The following PIF1 variants were observed in gnomAD, a reference collection of about 807,000 sequenced individuals.
The protein encoded by PIF1 is PIF1 5'-to-3' DNA helicase, also known as ATP-dependent DNA helicase PIF1.
Under a neutral mutation model 62.3 loss-of-function variants are expected in PIF1, and 67 were observed. That is an observed-to-expected ratio of 1.08 (90% CI 0.88 to 1.32). PIF1 has a LOEUF of 1.32. PIF1 is among the 40% of genes most tolerant of loss of function. The pLI is 0.00. For synonymous variants in PIF1, 364 were observed against 379.5 expected (o/e 0.96, Z 0.47); for missense variants, 886 against 866.1 (o/e 1.02, Z -0.29).
At position 64,823,815 on chromosome 15, in the gene PIF1, C is replaced by T. The variant is rs1232699975; in HGVS notation, c.521G>A (p.Arg174Gln). The T allele has an allele frequency of 5.9e-6, 8 of 1,354,506 alleles. No individual in the cohort carries two copies. In the South Asian group the frequency reaches 1.3e-4, roughly 22 times the overall value. 83.9% of individuals were successfully genotyped at this position (1,354,506 alleles called of 1,614,324 possible). ...TRVPDTTLVK[R>Q]PVEPQAGAEP... ...GGCCCCAGCCTGGGGCTCCACAGGC[C>T]GCTTCACCAGCGTAGTGTCCGGAAC... The change falls in exon 2 of 13, where the codon CGG becomes CAG. Residue 174 changes from arginine to glutamine, a missense_variant. Transcript: ENST00000559239.
chr15:64,816,096 AGT>A lies in PIF1; in HGVS notation c.*200_*201del. 1 of 1,452,720 alleles carries A rather than the reference AGT, an allele frequency of 6.9e-7. No individual in the cohort carries two copies. The highest frequency in any genetic ancestry group is 9.0e-7 in the Non-Finnish European group (1 of 1,108,316). The allele number at this position is 1,452,720 out of a possible 1,614,324, so 90.0% of individuals were successfully genotyped here. A position where few individuals can be genotyped will look rare whatever the true frequency, so the allele number is the denominator to read the frequency against. Reference sequence around the variant, plus strand: ...CCCTACAGCAGCTTACCCAGGGCAAAGTGAGAGAAACTGAAGCACAGCTGGTA... The same window carrying A: ...CCCTACAGCAGCTTACCCAGGGCAAAGAGAGAAACTGAAGCACAGCTGGTA... On this transcript the variant is annotated 3_prime_UTR_variant, in exon 13 of 13. Coordinates refer to ENST00000559239, the MANE Select transcript of PIF1 (RefSeq NM_001286496.2).
chr15:64,816,299 C>G lies in PIF1; in HGVS notation c.1925G>C (p.Ter642SerextTer75). 6.2e-7 allele frequency: 1 copy of G among 1,614,030 alleles called. No homozygotes were observed. The highest frequency in any genetic ancestry group is 8.5e-7 in the Non-Finnish European group (1 of 1,179,992). Residue 642 changes from the stop codon to serine, a stop_lost, in exon 13 of 13, where the codon TGA (stop) becomes TCA (serine). Transcript: ENST00000559239. Reference sequence around the variant, plus strand: ...TTGTCTTCTCTTTGTGGGTGAGGCTCAGAGGATTGGGTCCATGTTCTCCTG... The same window carrying G: ...TTGTCTTCTCTTTGTGGGTGAGGCTGAGAGGATTGGGTCCATGTTCTCCTG... ...SDQENMDPIL[*>S]
intron 4 of PIF1, chr15:64,821,977 T>A: frequency 2.5e-6 from 1 of 394,578 alleles, no homozygotes; most frequent in Non-Finnish European, 4.6e-6. Context: ...CCTGACCTTG[T>A]GATCCGCCTG....
chr15:64,825,402 T>C (rs2084355003), intron 1 of PIF1, among the ~76,000 whole-genome samples, 167 bp downstream of exon 1: 1 of 152,152 alleles, frequency 6.6e-6, no homozygotes, highest in Non-Finnish European at 1.5e-5. Context: ...GTGATTCCCA[T>C]GCCCTCGCGC....
At chr15:64,822,164 G>T (rs55736601) in intron 4 of PIF1, 102 bp downstream of exon 4, 2 of 1,479,454 alleles carry the variant, frequency 1.4e-6, no homozygotes, top group Admixed American at 2.3e-5. Context: ...AGTGAGCCAC[G>T]GCGCCCAGCC....
Position 64,819,305 on chromosome 15 carries a change from T to A in PIF1, c.1334-82A>T, listed in dbSNP as rs565859703. 156 of 893,640 alleles carry A rather than the reference T, an allele frequency of 1.7e-4. 1 individual carries two copies. Among genetic ancestry groups the A allele is most frequent in the African/African-American group, 3.8e-4 (22 of 57,380 alleles). The allele number at this position is 893,640 out of a possible 1,614,324, so 55.4% of individuals were successfully genotyped here. On this transcript the variant is annotated intron_variant, in intron 8 of 12. Transcript: ENST00000559239. ...CCCAAAAAAGACTTTTTTTAAATTT[T>A]AATTTAATTTAATTTTATTTTTTGA...
intron 2 of PIF1, 149 bp from the exon 3 acceptor site, chr15:64,822,759 T>A: frequency 4.1e-6 from 5 of 1,205,792 alleles, no homozygotes; most frequent in Non-Finnish European, 5.7e-6. Flanking sequence ...CTGGAGAGCT[T>A]GCCAGCAACT....
chr15:64,822,472 C>A lies in PIF1; in HGVS notation c.691+6G>T. On this transcript the variant is annotated splice_donor_region_variant and intron_variant, in intron 3 of 12. Transcript: ENST00000559239. ...TGTCCCCCTACCTCCTCTCTGCCCC[C>A]ACTACCTGCACTCCCAGTGAAGAAG... is the stretch of plus-strand genomic sequence containing the variant. 6.2e-7 allele frequency: 1 copy of A among 1,614,152 alleles called. No homozygotes were observed. The highest frequency in any genetic ancestry group is 8.5e-7 in the Non-Finnish European group (1 of 1,180,024).
At chr15:64,826,117 GC>G (rs1745019299), upstream of PIF1, among the ~76,000 whole-genome samples, 1 of 102,998 alleles carries the variant, frequency 9.7e-6, no homozygotes, top group South Asian at 3.5e-4. Context: ...TCCCTCCCCC[GC>G]CCCCAACTCT....
At position 64,816,092 on chromosome 15, in the gene PIF1, G is replaced by A. The variant is rs984672880; in HGVS notation, c.*206C>T. ...CTGACCCTACAGCAGCTTACCCAGG[G>A]CAAAGTGAGAGAAACTGAAGCACAG... On this transcript the variant is annotated 3_prime_UTR_variant, in exon 13 of 13. Coordinates refer to ENST00000559239, the MANE Select transcript of PIF1 (RefSeq NM_001286496.2). 4 of 1,452,764 alleles carry A rather than the reference G, an allele frequency of 2.8e-6. No individual in the cohort carries two copies. The highest frequency in any genetic ancestry group is 3.6e-6 in the Non-Finnish European group (4 of 1,108,272). 90.0% of individuals were successfully genotyped at this position (1,452,764 alleles called of 1,614,324 possible). A position where few individuals can be genotyped will look rare whatever the true frequency, so the allele number is the denominator to read the frequency against.
chr15:64,826,593 A>G (rs1349658511), upstream of PIF1, among the ~76,000 whole-genome samples: 1 of 137,578 alleles, frequency 7.3e-6, no homozygotes, highest in East Asian at 2.2e-4. Context: ...CCCCCCAGGT[A>G]GCTGGAACTA....
intron 11 of PIF1, 109 bp from the exon 12 acceptor site, chr15:64,816,874 TC>T: frequency 9.7e-7 from 1 of 1,030,042 alleles, no homozygotes; most frequent in Non-Finnish European, 1.4e-6. Context: ...CCTCGTCCAG[TC>T]CAGAGAGTCT....
In PIF1 at chr15:64,821,234, A is replaced by T. The variant is rs2084282439; in HGVS notation, c.1019T>A (p.Ile340Asn). 2.5e-6 allele frequency: 4 copies of T among 1,614,266 alleles called. No homozygotes were observed. In the East Asian group the frequency reaches 8.9e-5, roughly 36 times the overall value. Residue 340 changes from isoleucine (I) to asparagine (N), a missense_variant, in exon 6 of 13, where the codon ATC becomes AAC. Transcript: ENST00000559239. The part of the protein sequence containing the change: ...NKPFGGIQLI[I>N]CGDFLQLPPV... The stretch of plus-strand genomic sequence containing the variant: ...TGGCAGCTGCAGAAAGTCCCCACAG[A>T]TGATGAGCTGGATCCCTCCGAATGG...
chr15:64,823,756 G>T lies in PIF1; in HGVS notation c.558+22C>A, dbSNP rs747234245. On this transcript the variant is annotated intron_variant, in intron 2 of 12. Coordinates refer to ENST00000559239, the MANE Select transcript of PIF1 (RefSeq NM_001286496.2). Reference sequence around the variant, plus strand: ...GAATGGCACATCTACTCCTAAAGGTGTCCCTTCTTTCCCGTCCTCACTGTG... The same window carrying T: ...GAATGGCACATCTACTCCTAAAGGTTTCCCTTCTTTCCCGTCCTCACTGTG... The T allele has an allele frequency of 2.3e-6, 3 of 1,307,766 alleles. No homozygotes were observed. The South Asian group carries it at 9.1e-5, about 40-fold the overall frequency. The allele number at this position is 1,307,766 out of a possible 1,614,324, so 81.0% of individuals were successfully genotyped here.
chr15:64,821,645 C>T (rs2084291227), intron 4 of PIF1, 125 bp from the exon 5 acceptor site: 6 of 1,204,700 alleles, frequency 5.0e-6, no homozygotes, highest in Non-Finnish European at 6.7e-6. Flanking sequence ...GATCTTGGCT[C>T]ACTGTAACCT....
At chr15:64,820,154 C>T in intron 7 of PIF1, 168 bp from the exon 8 acceptor site, 1 of 763,466 alleles carries the variant, frequency 1.3e-6, no homozygotes, top group Non-Finnish European at 2.1e-6. Context: ...CCCTTCCAAA[C>T]TTGGACCCCA....
rs1325328529 is a variant in PIF1, at chr15:64,821,760, G to C, written c.818-240C>G. Reference sequence around the variant, plus strand: ...CTAATTTTGTTTTGTTTTGTTTTGAGATGGAGTCTCGCTGTGTCGCCCAGG... The same window carrying C: ...CTAATTTTGTTTTGTTTTGTTTTGACATGGAGTCTCGCTGTGTCGCCCAGG... On this transcript the variant is annotated intron_variant, in intron 4 of 12. Transcript: ENST00000559239. The C allele has an allele frequency of 1.3e-5, 6 of 474,280 alleles. No homozygotes were observed. The East Asian group carries it at 2.4e-4, about 19-fold the overall frequency. The allele number at this position is 474,280 out of a possible 1,614,324, so 29.4% of individuals were successfully genotyped here.
At chr15:64,822,071 T>TA in intron 4 of PIF1, 195 bp downstream of exon 4, 1 of 671,602 alleles carries the variant, frequency 1.5e-6, no homozygotes, top group East Asian at 2.8e-5. Flanking sequence ...AGACAGGGTT[T>TA]ACTGTGTTGG....
chr15:64,822,596 C>A lies in PIF1; in HGVS notation c.573G>T (p.Trp191Cys), dbSNP rs931479109. ...GAEPSTEAPR[W>C]PLPVKRLSLP... ...AGCTCAGCCTCTTCACAGGCAGGGG[C>A]CACCTTGGGGCTTCCTGGGGGGAAC... is the stretch of plus-strand genomic sequence containing the variant. The change falls in exon 3 of 13, where the codon TGG becomes TGT. Residue 191 changes from tryptophan to cysteine, a missense_variant. Coordinates refer to ENST00000559239, the MANE Select transcript of PIF1 (RefSeq NM_001286496.2). The A allele has an allele frequency of 4.3e-6, 7 of 1,613,956 alleles. No individual in the cohort carries two copies. Among genetic ancestry groups the A allele is most frequent in the Middle Eastern group, 3.4e-4 (2 of 5,928 alleles).
Sources: allele counts gnomAD v4.1 joint callset (sites outside exome capture counted in the v4.1 genomes callset), GRCh38; gene constraint gnomAD v4.1.1; transcripts MANE v1.5; gene names NCBI Gene and HGNC (gene_info 2026-07-23, HGNC 2026-07-21).